RYR3: variants seen among roughly 807,000 people sequenced by gnomAD.
The protein encoded by RYR3 is brain ryanodine receptor-calcium release channel.
Under a neutral mutation model 584.3 loss-of-function variants are expected in RYR3, and 207 were observed. That is an observed-to-expected ratio of 0.35 (90% CI 0.32 to 0.40). The LOEUF is 0.40. Among genes scored for constraint, RYR3 ranks in the 10% least tolerant of loss-of-function variants. The probability of loss-of-function intolerance (pLI) is 1.00; values close to 1 mark genes in which losing one functional copy is unlikely to be tolerated. For missense variants in RYR3, 5,616 were observed against 6,089.2 expected (o/e 0.92, Z 2.59); for synonymous variants, 2,416 against 2,248.5 (o/e 1.07, Z -2.11).
intron 85 of RYR3, 103 bp from the exon 86 acceptor site, chr15:33,830,860 A>G: frequency 8.3e-7 from 1 of 1,203,036 alleles, no homozygotes; most frequent in South Asian, 1.6e-5. Flanking sequence ...CAGAGCAAAG[A>G]GGTCATAGAG....
chr15:33,860,905 C>T (rs1020266214), intron 101 of RYR3, among the ~76,000 whole-genome samples, 173 bp from the exon 102 acceptor site: 1 of 120,726 alleles, frequency 8.3e-6, no homozygotes, highest in African/African-American at 3.6e-5. Context: ...GTGTATGGCA[C>T]TACTGAGTGA....
intron 1 of RYR3, among the ~76,000 whole-genome samples, chr15:33,446,681 C>T (rs888768412): frequency 2.0e-5 from 3 of 152,136 alleles, no homozygotes; most frequent in South Asian, 2.1e-4. Context: ...TTTCCAAATA[C>T]GGTAAATTCT....
intron 102 of RYR3, among the ~76,000 whole-genome samples, chr15:33,863,149 T>C (rs907069541): frequency 6.6e-6 from 1 of 152,102 alleles, no homozygotes; most frequent in East Asian, 1.9e-4. Flanking sequence ...CTATCCCCTC[T>C]AGGAGCAAGC....
At chr15:33,475,139 A>G (rs527838049) in intron 2 of RYR3, among the ~76,000 whole-genome samples, 4 of 152,298 alleles carry the variant, frequency 2.6e-5, no homozygotes, top group African/African-American at 7.2e-5. Context: ...TTAATTCTCA[A>G]CCATGAGCTA....
chr15:33,761,521 G>A (rs2072448293), intron 60 of RYR3, among the ~76,000 whole-genome samples: 1 of 152,102 alleles, frequency 6.6e-6, no homozygotes, highest in Non-Finnish European at 1.5e-5. Context: ...TAAATTCCTG[G>A]ACACCACATA....
chr15:33,667,461 C>T (rs2063547340), intron 36 of RYR3, among the ~76,000 whole-genome samples: 1 of 152,126 alleles, frequency 6.6e-6, no homozygotes, highest in Non-Finnish European at 1.5e-5. Flanking sequence ...CAAAATTGCA[C>T]ATTTTTTCAT....
intron 36 of RYR3, among the ~76,000 whole-genome samples, chr15:33,668,063 G>GT (rs530580495): frequency 1.0e-5 from 1 of 97,624 alleles, no homozygotes; most frequent in African/African-American, 4.0e-5. Flanking sequence ...ACTCAGTCTT[G>GT]AAAAAAAAAA....
At chr15:33,542,164 GA>G (rs1326900902) in intron 7 of RYR3, among the ~76,000 whole-genome samples, 2 of 152,114 alleles carry the variant, frequency 1.3e-5, no homozygotes, top group Non-Finnish European at 2.9e-5. Flanking sequence ...CCACTGGTGA[GA>G]AACCCACTTC....
At chr15:33,603,078 G>C in intron 17 of RYR3, 45 bp from the exon 18 acceptor site, 1 of 1,605,458 alleles carries the variant, frequency 6.2e-7, no homozygotes, top group South Asian at 1.1e-5. Context: ...TGCTTTCTCA[G>C]CTTTTAAGGG....
intron 1 of RYR3, among the ~76,000 whole-genome samples, chr15:33,360,452 A>G (rs538561857): frequency 6.6e-6 from 1 of 152,320 alleles, no homozygotes; most frequent in African/African-American, 2.4e-5. Flanking sequence ...ATGTACCAGA[A>G]GTTTATTCCT....
chr15:33,434,298 A>C (rs1365582422), intron 1 of RYR3, among the ~76,000 whole-genome samples: 1 of 150,826 alleles, frequency 6.6e-6, no homozygotes, highest in Admixed American at 6.6e-5. Context: ...CAGCGTCAGA[A>C]GTTTGCTCTG....
At chr15:33,336,258 G>C (rs8028072) in intron 1 of RYR3, among the ~76,000 whole-genome samples, 104,544 of 150,570 alleles carry the variant, frequency 0.69, 37,301 homozygotes, top group African/African-American at 0.88. Context: ...ATGGTGAAAC[G>C]CTGTCTCTAC....
chr15:33,499,038 T>A (rs2051705842), intron 2 of RYR3, among the ~76,000 whole-genome samples: 1 of 152,118 alleles, frequency 6.6e-6, no homozygotes, highest in Non-Finnish European at 1.5e-5. Context: ...TTATATCATT[T>A]CCTACATAAC....
At chr15:33,386,074 T>A (rs1480397545) in intron 1 of RYR3, among the ~76,000 whole-genome samples, 1 of 152,192 alleles carries the variant, frequency 6.6e-6, no homozygotes, top group Non-Finnish European at 1.5e-5. Context: ...AAAATAGAAT[T>A]TATGGATTTA....
rs1028086836 is a variant in RYR3, at chr15:33,662,066, C to A, written c.4623-87C>A. On this transcript the variant is annotated intron_variant, in intron 34 of 103. Coordinates refer to ENST00000634891, the MANE Select transcript of RYR3 (RefSeq NM_001036.6). ...AGAGACCCCTCCAACCTTCCACCCA[C>A]CCTGCCTTTGTTGGGCTGGATGAAA... 27 of 1,155,028 alleles carry A rather than the reference C, an allele frequency of 2.3e-5. No homozygotes were observed. The African/African-American group carries it at 3.9e-4, about 17-fold the overall frequency. The allele number at this position is 1,155,028 out of a possible 1,614,324, so 71.5% of individuals were successfully genotyped here.
chr15:33,356,936 C>G (rs191722986), intron 1 of RYR3, among the ~76,000 whole-genome samples: 10 of 152,212 alleles, frequency 6.6e-5, no homozygotes, highest in Admixed American at 5.9e-4. Flanking sequence ...GGTAATGTAT[C>G]CTGGATGCTT....
intron 20 of RYR3, among the ~76,000 whole-genome samples, chr15:33,624,842 C>T (rs1234775393): frequency 6.6e-6 from 1 of 152,190 alleles, no homozygotes; most frequent in Non-Finnish European, 1.5e-5. Context: ...CTCTAAGGCA[C>T]TTGGGGTTAA....
intron 99 of RYR3, among the ~76,000 whole-genome samples, chr15:33,859,274 T>C (rs1423743114): frequency 6.6e-6 from 1 of 152,232 alleles, no homozygotes; most frequent in Non-Finnish European, 1.5e-5. Context: ...AATTATTATA[T>C]GGCATAGGCC....
chr15:33,594,830 G>A (rs911700420), intron 16 of RYR3, among the ~76,000 whole-genome samples: 1 of 152,120 alleles, frequency 6.6e-6, no homozygotes, highest in African/African-American at 2.4e-5. Flanking sequence ...TACCTCTGTG[G>A]CACGCAATAA....
Sources: allele counts gnomAD v4.1 joint callset (sites outside exome capture counted in the v4.1 genomes callset), GRCh38; gene constraint gnomAD v4.1.1; transcripts MANE v1.5; gene names NCBI Gene and HGNC (gene_info 2026-07-23, HGNC 2026-07-21).